Variants in PIK3CB observed in about 807,000 individuals in gnomAD.
PIK3CB encodes the protein phosphatidylinositol-4,5-bisphosphate 3-kinase catalytic subunit beta.
Under a neutral mutation model 136.8 loss-of-function variants are expected in PIK3CB, and 39 were observed. The observed-to-expected ratio is 0.29, with a 90% CI of 0.22 to 0.37. PIK3CB has a LOEUF of 0.37. Ranked by LOEUF, PIK3CB falls within the 10% of genes least tolerant of loss-of-function variation. The pLI, the probability that PIK3CB is intolerant of heterozygous loss-of-function variation, is 1.00. For missense variants in PIK3CB, 868 were observed against 1,275.4 expected, an observed-to-expected ratio of 0.68 and a Z score of 4.87; for synonymous variants, 428 against 436.6, an observed-to-expected ratio of 0.98 and a Z score of 0.25.
At chr3:138,732,069 T>C (rs1273140669) in intron 8 of PIK3CB, among the ~76,000 whole-genome samples, 2 of 152,096 alleles carry the variant, frequency 1.3e-5, no homozygotes, top group African/African-American at 4.8e-5. Flanking sequence ...TCTTCTAAAA[T>C]TGCATATATT....
intron 13 of PIK3CB, 78 bp downstream of exon 13, chr3:138,698,829 A>G (rs373911484): frequency 1.6e-5 from 13 of 808,256 alleles, no homozygotes; most frequent in South Asian, 1.1e-4. Context: ...AAATATACCT[A>G]TGAGAAAAGG....
At chr3:138,755,198 G>A (rs898561904) in intron 4 of PIK3CB, among the ~76,000 whole-genome samples, 2 of 152,200 alleles carry the variant, frequency 1.3e-5, no homozygotes, top group African/African-American at 4.8e-5. Flanking sequence ...TTGGCATAGA[G>A]AGTTGTGTAT....
In PIK3CB at chr3:138,718,138, T is replaced by A. The variant is rs571062688; in HGVS notation, c.1051-3419A>T. On this transcript the variant is annotated intron_variant, in intron 8 of 23. Coordinates refer to ENST00000674063, the MANE Select transcript of PIK3CB (RefSeq NM_006219.3). ...TGCTTTTTACAATGGTTGAACTAAT[T>A]TACACTCCCACCAGCAGTGTGTATG... 2.0e-5 allele frequency among the ~76,000 whole-genome samples: 3 copies of A among 152,312 alleles called. No homozygotes were observed. In the East Asian group the frequency reaches 5.8e-4, roughly 29 times the overall value.
chr3:138,708,239 T>A (rs1399443730), intron 10 of PIK3CB, among the ~76,000 whole-genome samples: 1 of 150,802 alleles, frequency 6.6e-6, no homozygotes, highest in Non-Finnish European at 1.5e-5. Flanking sequence ...TTTTCTCACC[T>A]CACGGACTCA....
intron 5 of PIK3CB, among the ~76,000 whole-genome samples, chr3:138,741,109 T>G (rs1295246456): frequency 6.6e-6 from 1 of 152,254 alleles, no homozygotes; most frequent in Non-Finnish European, 1.5e-5. Context: ...CAGGACAGAA[T>G]GACAAATGGT....
At chr3:138,825,861 A>T (rs1004292915) in intron 1 of PIK3CB, 23 of 1,400,126 alleles carry the variant, frequency 1.6e-5, no homozygotes, top group African/African-American at 2.8e-5. Flanking sequence ...CCTGCAGACA[A>T]TGTGGACTTC....
intron 8 of PIK3CB, among the ~76,000 whole-genome samples, chr3:138,725,715 C>T (rs182820054): frequency 6.7e-4 from 102 of 152,242 alleles, no homozygotes; most frequent in Non-Finnish European, 8.4e-4. Context: ...TATTTAATGG[C>T]TGAAACTTTC....
intron 2 of PIK3CB, among the ~76,000 whole-genome samples, chr3:138,789,012 G>GTT (rs1215276576): frequency 7.3e-6 from 1 of 136,134 alleles, no homozygotes. Context: ...ACACCACAGA[G>GTT]TTTTTTTTTT....
intron 1 of PIK3CB, 129 bp downstream of exon 1, chr3:138,834,566 G>C (rs1283623992): frequency 6.6e-6 from 1 of 152,494 alleles, no homozygotes; most frequent in African/African-American, 2.4e-5. Context: ...GCAACCACAA[G>C]AGTCGCCAGC....
At chr3:138,717,189 G>A (rs1445760375) in intron 8 of PIK3CB, among the ~76,000 whole-genome samples, 2 of 151,348 alleles carry the variant, frequency 1.3e-5, no homozygotes, top group Non-Finnish European at 2.9e-5. Context: ...AGGAGGCAGA[G>A]GTTGCAGTGA....
intron 1 of PIK3CB, among the ~76,000 whole-genome samples, chr3:138,831,281 A>AAAATAAAATAAAATTAAATT (rs763253552): frequency 1.3e-5 from 2 of 148,282 alleles, no homozygotes; most frequent in Non-Finnish European, 3.0e-5. Flanking sequence ...AAAATAAAAT[A>AAAATAAAATAAAATTAAATT]AAATTAAATT....
At chr3:138,783,528 C>A (rs1351846936) in intron 2 of PIK3CB, among the ~76,000 whole-genome samples, 1 of 152,116 alleles carries the variant, frequency 6.6e-6, no homozygotes, top group South Asian at 2.1e-4. Flanking sequence ...CCCCATCCCC[C>A]GGCCTTGGTC....
At chr3:138,671,632 A>T (rs578063964) in intron 19 of PIK3CB, among the ~76,000 whole-genome samples, 8 of 152,360 alleles carry the variant, frequency 5.3e-5, no homozygotes, top group African/African-American at 1.9e-4. Context: ...ATGAGGTAGG[A>T]TCTGGACCCG....
At chr3:138,664,214 G>A (rs1323924884) in intron 20 of PIK3CB, among the ~76,000 whole-genome samples, 185 bp from the exon 21 acceptor site, 1 of 152,100 alleles carries the variant, frequency 6.6e-6, no homozygotes, top group South Asian at 2.1e-4. Flanking sequence ...GCTGGGCTGA[G>A]AGAGCTGCCT....
At chr3:138,663,754 A>G (rs2043349659) in intron 21 of PIK3CB, 152 bp downstream of exon 21, 6 of 689,848 alleles carry the variant, frequency 8.7e-6, no homozygotes, top group African/African-American at 1.8e-5. Context: ...AGTAGACTAT[A>G]TATGAAACGA....
chr3:138,776,419 G>A (rs369191029), intron 2 of PIK3CB, among the ~76,000 whole-genome samples: 12 of 152,120 alleles, frequency 7.9e-5, no homozygotes, highest in African/African-American at 2.2e-4. Flanking sequence ...GCCGGGAGTG[G>A]TGGCTTATGC....
intron 1 of PIK3CB, among the ~76,000 whole-genome samples, chr3:138,820,834 C>G (rs959027375): frequency 3.3e-5 from 5 of 152,196 alleles, no homozygotes; most frequent in African/African-American, 1.2e-4. Flanking sequence ...AGCATTCAAT[C>G]ATAGGAACGT....
chr3:138,728,753 C>A (rs1435101042), intron 8 of PIK3CB, among the ~76,000 whole-genome samples: 1 of 150,554 alleles, frequency 6.6e-6, no homozygotes, highest in Non-Finnish European at 1.5e-5. Flanking sequence ...GCACTCCAGC[C>A]TGGGTGGCAG....
chr3:138,754,556 A>G lies in PIK3CB; in HGVS notation c.397+1198T>C, dbSNP rs537108362. Reference sequence around the variant, plus strand: ...CTTTCTAATTATATGTCACTAATATATAAGAAAAAATTTTGTATGATACAT... The same window carrying G: ...CTTTCTAATTATATGTCACTAATATGTAAGAAAAAATTTTGTATGATACAT... On this transcript the variant is annotated intron_variant, in intron 4 of 23. Transcript: ENST00000674063. Among the ~76,000 whole-genome samples the G allele has an allele frequency of 5.4e-4, 82 of 152,370 alleles. 3 individuals carry two copies. The highest frequency in any genetic ancestry group is 2.5e-3 in the South Asian group (12 of 4,830).
Sources: gnomAD v4.1 joint callset for allele counts (sites outside exome capture counted in the v4.1 genomes callset) on GRCh38, gnomAD v4.1.1 for gene constraint, MANE v1.5 for transcripts, NCBI Gene and HGNC (gene_info 2026-07-23, HGNC 2026-07-21) for gene names.